Variants in OR52A5 observed in about 807,000 individuals in gnomAD.
OR52A5 encodes the protein olfactory receptor 52A5.
OR52A5 carries 16 observed loss-of-function variants against 18.2 expected under a neutral mutation model. That is an observed-to-expected ratio of 0.88 (90% confidence interval 0.60 to 1.34). OR52A5 has a LOEUF of 1.34. Ranked by LOEUF, OR52A5 falls within the 40% of genes most tolerant of loss-of-function variation. OR52A5 has a pLI of 0.00. For synonymous variants in OR52A5, 140 were observed against 137.2 expected, an observed-to-expected ratio of 1.02 and a Z score of -0.14; for missense variants, 418 against 383.0, an observed-to-expected ratio of 1.09 and a Z score of -0.76.
rs1846317876 is a variant in OR52A5 at position 5,129,800 on chromosome 11, C to T, written c.*1892G>A. On this transcript the variant is annotated 3_prime_UTR_variant, in exon 2 of 2. Coordinates refer to ENST00000307388, the MANE Select transcript of OR52A5 (RefSeq NM_001005160.3). ...AACAGATCTGTGTGCTGACTGGGAC[C>T]TAGCTGAAATCAGCTGGACCAGGTG... 6.6e-6 allele frequency: 1 copy of T among 152,172 alleles called. No homozygotes were observed. Among genetic ancestry groups the T allele is most frequent in the African/African-American group, 2.4e-5 (1 of 41,428 alleles). 9.4% of individuals were successfully genotyped at this position (152,172 alleles called of 1,614,324 possible).
Position 5,130,101 on chromosome 11 carries a change from G to A in OR52A5, c.*1591C>T, listed in dbSNP as rs535850288. Reference sequence around the variant, plus strand: ...GAATGAAAAAAAAATATGTCTTTTAGGATATGTAATGTGTTTTTTTCTGAT... The same window carrying A: ...GAATGAAAAAAAAATATGTCTTTTAAGATATGTAATGTGTTTTTTTCTGAT... On this transcript the variant is annotated 3_prime_UTR_variant, in exon 2 of 2. Transcript: ENST00000307388. 6.6e-5 allele frequency: 10 copies of A among 151,764 alleles called. No homozygotes were observed. The highest frequency in any genetic ancestry group is 2.2e-4 in the African/African-American group (9 of 41,372). The allele number at this position is 151,764 out of a possible 1,614,324, so 9.4% of individuals were successfully genotyped here.
chr11:5,135,317 A>T lies in OR52A5; in HGVS notation c.-60-2615T>A, dbSNP rs141121656. 4.1e-4 allele frequency among the ~76,000 whole-genome samples: 63 copies of T among 152,322 alleles called. No homozygotes were observed. The East Asian group carries it at 8.7e-3, about 21-fold the overall frequency. ...AGATTCTGATGGACATTACTCCCCA[A>T]TCACTTTAATTTATCACATAGGTAT... On this transcript the variant is annotated intron_variant, in intron 1 of 1. Transcript: ENST00000307388.
At chr11:5,135,090 G>A (rs1459519350) in intron 1 of OR52A5, among the ~76,000 whole-genome samples, 1 of 152,060 alleles carries the variant, frequency 6.6e-6, no homozygotes, top group Non-Finnish European at 1.5e-5. Flanking sequence ...TAGCCAGGAT[G>A]GTCTCAATCT....
At position 5,136,938 on chromosome 11, in the gene OR52A5, C is replaced by G. The variant is rs185392385; in HGVS notation, c.-61+1373G>C. On this transcript the variant is annotated intron_variant, in intron 1 of 1. Coordinates refer to ENST00000307388, the MANE Select transcript of OR52A5 (RefSeq NM_001005160.3). Reference sequence around the variant, plus strand: ...ACCTTTGGCCTTTTAAAAATTCTATCTGCTAGCAGGTTAGCAAATGATTTT... The same window carrying G: ...ACCTTTGGCCTTTTAAAAATTCTATGTGCTAGCAGGTTAGCAAATGATTTT... Among the ~76,000 whole-genome samples, 32 of 152,326 alleles carry G rather than the reference C, an allele frequency of 2.1e-4. No homozygotes were observed. In the East Asian group the frequency reaches 4.2e-3, roughly 20 times the overall value.
rs1438755652 is a variant in OR52A5 at position 5,132,359 on chromosome 11, GA to G, written c.283del (p.Ser95LeufsTer38). 1.4e-5 allele frequency: 23 copies of G among 1,614,052 alleles called. No homozygotes were observed. The highest frequency in any genetic ancestry group is 3.3e-5 in the Admixed American group (2 of 60,010). The stretch of plus-strand genomic sequence containing the variant: ...CATTTGAAAAAGACAGGCATCAAAA[GA>G]AATCTCTGGCAAATGAAACCAGAAG... The part of the protein sequence containing the change: ...GIFWFHLPEI[S>X]FDACLFQMWL... On this transcript the variant is annotated frameshift_variant, in exon 2 of 2. Coordinates refer to ENST00000307388, the MANE Select transcript of OR52A5 (RefSeq NM_001005160.3). LOFTEE classifies it high-confidence loss of function.
chr11:5,138,148 A>C (rs1846408463), intron 1 of OR52A5, 163 bp downstream of exon 1: 2 of 152,234 alleles, frequency 1.3e-5, no homozygotes, highest in African/African-American at 4.8e-5. Flanking sequence ...AAAGCATGAG[A>C]TACCATGAGA....
In OR52A5 at chr11:5,131,851, T is replaced by G. The variant is rs780019182; in HGVS notation, c.792A>C (p.Thr264=). 6.2e-7 allele frequency: 1 copy of G among 1,613,996 alleles called. No individual in the cohort carries two copies. ...FYLLAFFSFF[T]HRFGSHIPPY... ...GTGGTATGTGTGAACCAAACCTGTG[T>G]GTGAAGAAAGAGAAGAAGGCAAGAA... is the stretch of plus-strand genomic sequence containing the variant. Residue 264 remains threonine, a synonymous_variant, in exon 2 of 2, where the codon ACA becomes ACC. Coordinates refer to ENST00000307388, the MANE Select transcript of OR52A5 (RefSeq NM_001005160.3).
intron 1 of OR52A5, among the ~76,000 whole-genome samples, chr11:5,137,909 A>G (rs900352032): frequency 2.6e-5 from 4 of 152,230 alleles, no homozygotes; most frequent in Non-Finnish European, 5.9e-5. Flanking sequence ...TTTCTGTAAG[A>G]CTTTATCCTT....
chr11:5,133,450 G>A (rs1017915441), intron 1 of OR52A5, among the ~76,000 whole-genome samples: 2 of 145,406 alleles, frequency 1.4e-5, no homozygotes, highest in East Asian at 4.0e-4. Flanking sequence ...TGACTGAAAT[G>A]TTCTTTAGTT....
chr11:5,133,334 C>G (rs1036409056), intron 1 of OR52A5, among the ~76,000 whole-genome samples: 1 of 135,190 alleles, frequency 7.4e-6, no homozygotes, highest in African/African-American at 2.8e-5. Flanking sequence ...CACCACTGCA[C>G]TCCAGCCTGG....
rs1846313247 is a variant in OR52A5, at chr11:5,129,316, T to C, written c.*2376A>G. 1 of 152,170 alleles carries C rather than the reference T, an allele frequency of 6.6e-6. No homozygotes were observed. Among genetic ancestry groups the C allele is most frequent in the Non-Finnish European group, 1.5e-5 (1 of 68,034 alleles). The allele number at this position is 152,170 out of a possible 1,614,324, so 9.4% of individuals were successfully genotyped here. On this transcript the variant is annotated 3_prime_UTR_variant, in exon 2 of 2. Coordinates refer to ENST00000307388, the MANE Select transcript of OR52A5 (RefSeq NM_001005160.3). ...CACAAGTCTCTGAGGCTCGTATTGT[T>C]AGCCCCATTGTAGAGAAGAGGAAAT...
rs1050299660 is a variant in OR52A5 at position 5,131,100 on chromosome 11, C to T, written c.*592G>A. 1 of 152,158 alleles carries T rather than the reference C, an allele frequency of 6.6e-6. No homozygotes were observed. Among genetic ancestry groups the T allele is most frequent in the Non-Finnish European group, 1.5e-5 (1 of 68,048 alleles). 9.4% of individuals were successfully genotyped at this position (152,158 alleles called of 1,614,324 possible). ...TGTTCATTATTCAATGTCATTTTTA[C>T]TTAGATTCTAAGAATTCTCAGGCAT... On this transcript the variant is annotated 3_prime_UTR_variant, in exon 2 of 2. Coordinates refer to ENST00000307388, the MANE Select transcript of OR52A5 (RefSeq NM_001005160.3).
rs1354023982 is a variant in OR52A5 at position 5,132,020 on chromosome 11, G to C, written c.623C>G (p.Ala208Gly). 6.2e-7 allele frequency: 1 copy of C among 1,614,190 alleles called. No individual in the cohort carries two copies. The highest frequency in any genetic ancestry group is 8.5e-7 in the Non-Finnish European group (1 of 1,180,018). ...AAATATTATGTCAAACCCTAGGATT[G>C]CAAAGGCAACAAATAGGCCATATAT... is the stretch of plus-strand genomic sequence containing the variant. ...NKIYGLFVAF[A>G]ILGFDIIFIT... Residue 208 changes from alanine (A) to glycine (G), a missense_variant, in exon 2 of 2, where the codon GCA (alanine) becomes GGA (glycine). Physicochemically the swap from Ala to Gly is moderately conservative, Grantham distance 60. Coordinates refer to ENST00000307388, the MANE Select transcript of OR52A5 (RefSeq NM_001005160.3).
chr11:5,137,943 A>G (rs55857878), intron 1 of OR52A5, among the ~76,000 whole-genome samples: 1 of 152,224 alleles, frequency 6.6e-6, no homozygotes. Flanking sequence ...ATAACTTCAC[A>G]TATTTGATGA....
chr11:5,133,228 T>C (rs1351429196), intron 1 of OR52A5, among the ~76,000 whole-genome samples: 9 of 151,114 alleles, frequency 6.0e-5, no homozygotes, highest in African/African-American at 1.9e-4. Context: ...AATTAGCCAG[T>C]GTGGTGGCAG....
chr11:5,129,983 CTAAT>C lies in OR52A5; in HGVS notation c.*1705_*1708del, dbSNP rs1348536386. The C allele has an allele frequency of 1.3e-5, 2 of 151,982 alleles. No homozygotes were observed. The highest frequency in any genetic ancestry group is 2.9e-5 in the Non-Finnish European group (2 of 67,998). The allele number at this position is 151,982 out of a possible 1,614,324, so 9.4% of individuals were successfully genotyped here. Reference sequence around the variant, plus strand: ...ATGGCTTGAAATGCCAACCCACAGTCTAATTATGACACAAATTTTTCATTTAATT... The same window carrying C: ...ATGGCTTGAAATGCCAACCCACAGTCTATGACACAAATTTTTCATTTAATT... On this transcript the variant is annotated 3_prime_UTR_variant, in exon 2 of 2. Transcript: ENST00000307388.
chr11:5,133,131 A>AG (rs962362262), intron 1 of OR52A5, among the ~76,000 whole-genome samples: 1 of 152,038 alleles, frequency 6.6e-6, no homozygotes, highest in Non-Finnish European at 1.5e-5. Flanking sequence ...GGACTTTGGG[A>AG]GGCCAAGGTG....
At chr11:5,135,943 T>G (rs1210505180) in intron 1 of OR52A5, among the ~76,000 whole-genome samples, 1 of 152,184 alleles carries the variant, frequency 6.6e-6, no homozygotes, top group African/African-American at 2.4e-5. Context: ...TCTTCAAATA[T>G]CTTACAGAGT....
intron 1 of OR52A5, among the ~76,000 whole-genome samples, chr11:5,137,118 A>T (rs1304803085): frequency 1.3e-5 from 2 of 152,214 alleles, no homozygotes; most frequent in Non-Finnish European, 2.9e-5. Context: ...GTACATTGAG[A>T]GATGAGGCAA....
Sources: gnomAD v4.1 joint callset for allele counts (sites outside exome capture counted in the v4.1 genomes callset) on GRCh38, gnomAD v4.1.1 for gene constraint, MANE v1.5 for transcripts, NCBI Gene and HGNC (gene_info 2026-07-23, HGNC 2026-07-21) for gene names.